The following AVIL variants were observed in gnomAD, a reference collection of about 807,000 sequenced individuals.
AVIL encodes advillin.
In AVIL, 78 loss-of-function variants were observed where a neutral mutation model predicts 109.9. The ratio of observed to expected loss-of-function variants is 0.71; its 90% CI spans 0.59 to 0.86. The LOEUF is 0.86. AVIL is among the 40% of genes least tolerant of loss of function. The probability of loss-of-function intolerance (pLI) is 0.00; values close to 1 mark genes in which losing one functional copy is unlikely to be tolerated. For synonymous variants in AVIL, 367 were observed against 379.1 expected (o/e 0.97, Z 0.37); for missense variants, 892 against 1,016.5 (o/e 0.88, Z 1.67).
At chr12:57,815,282 G>A (rs1330413872) in intron 2 of AVIL, among the ~76,000 whole-genome samples, 5 of 152,222 alleles carry the variant, frequency 3.3e-5, no homozygotes, top group Non-Finnish European at 5.9e-5. Context: ...GAAACTGGAA[G>A]CCTTCAAACA....
At chr12:57,808,733 G>T in intron 9 of AVIL, 185 bp from the exon 10 acceptor site, 1 of 665,440 alleles carries the variant, frequency 1.5e-6, no homozygotes. Flanking sequence ...ATGACTGAGT[G>T]GAACATTTTT....
Position 57,810,419 on chromosome 12 carries a change from A to C in AVIL, c.691T>G (p.Ser231Ala), listed in dbSNP as rs1301738495. The C allele has an allele frequency of 1.9e-6, 3 of 1,614,170 alleles. No homozygotes were observed. Among genetic ancestry groups the C allele is most frequent in the Non-Finnish European group, 2.5e-6 (3 of 1,180,044 alleles). The change falls in exon 7 of 20, where the codon TCC (serine) becomes GCC (alanine). Residue 231 changes from serine (S) to alanine (A), a missense_variant. Ser to Ala is a moderately conservative substitution (Grantham distance 99, BLOSUM62 1). Transcript: ENST00000549994. Reference protein sequence around the residue: ...KVLQDTLGRRSIIKPTVPDEI... With the variant: ...KVLQDTLGRRAIIKPTVPDEI... ...TCAGGGACTGTAGGCTTGATAATGG[A>C]GCGTCGGCCAAGGGTGTCCTGAAGG... is the stretch of plus-strand genomic sequence containing the variant.
In AVIL at chr12:57,807,486, G is replaced by A. The variant is rs370382463; in HGVS notation, c.1336C>T (p.Arg446Cys). The change falls in exon 13 of 20, where the codon CGC becomes TGC. Residue 446 changes from arginine to cysteine, a missense_variant. By Grantham distance (180) the Arg-to-Cys change is radical (BLOSUM62 -3). Coordinates refer to ENST00000549994, the MANE Select transcript of AVIL (RefSeq NM_006576.4). ...PHHILYIWQGRHASQDELAAS... is the reference protein window; with the variant it reads ...PHHILYIWQGCHASQDELAAS... The stretch of plus-strand genomic sequence containing the variant: ...GCCAGCTCATCCTGTGAGGCGTGGC[G>A]GCCCTGCAATGGTGAGAGGCCATGA... The A allele has an allele frequency of 2.6e-5, 42 of 1,614,108 alleles. No homozygotes were observed. The highest frequency in any genetic ancestry group is 2.0e-4 in the African/African-American group (15 of 74,932).
In AVIL at chr12:57,797,575, T is replaced by G. The variant is rs976261154; in HGVS notation, c.*307A>C. On this transcript the variant is annotated 3_prime_UTR_variant, in exon 20 of 20. Coordinates refer to ENST00000549994, the MANE Select transcript of AVIL (RefSeq NM_006576.4). ...TATTAAACATAAAGTTATTAAACAT[T>G]TTAAGCATTGTTTTTTGGTTCTCTT... The G allele has an allele frequency of 1.1e-6, 1 of 917,350 alleles. No individual in the cohort carries two copies. The allele number at this position is 917,350 out of a possible 1,614,324, so 56.8% of individuals were successfully genotyped here. A position where few individuals can be genotyped will look rare whatever the true frequency, so the allele number is the denominator to read the frequency against.
chr12:57,801,315 T>C, intron 17 of AVIL, 103 bp from the exon 18 acceptor site: 1 of 868,804 alleles, frequency 1.2e-6, no homozygotes, highest in Non-Finnish European at 1.8e-6. Context: ...AGCCAGGGAG[T>C]CAGAAGACAT....
At chr12:57,811,234 T>C (rs969504611) in intron 4 of AVIL, 107 bp from the exon 5 acceptor site, 1 of 1,051,886 alleles carries the variant, frequency 9.5e-7, no homozygotes, top group Non-Finnish European at 1.4e-6. Flanking sequence ...TGACAGTACA[T>C]CAGCAAGGTA....
chr12:57,798,383 TTCAAATGCATGA>T (rs1331100372), intron 19 of AVIL, among the ~76,000 whole-genome samples: 2 of 152,226 alleles, frequency 1.3e-5, no homozygotes, highest in African/African-American at 4.8e-5. Context: ...CCCATAAATT[TTCAAATGCATGA>T]TCGGGTGGAT....
chr12:57,810,343 A>G lies in AVIL; in HGVS notation c.761+6T>C, dbSNP rs769082152. The G allele has an allele frequency of 1.4e-5, 23 of 1,613,954 alleles. No homozygotes were observed. Among genetic ancestry groups the G allele is most frequent in the East Asian group, 2.2e-5 (1 of 44,886 alleles). On this transcript the variant is annotated splice_donor_region_variant and intron_variant, in intron 7 of 19. Transcript: ENST00000549994. ...CTTCCAGCTAAAACCAGGTTGAGCT[A>G]CTCACTGATACAACATGATAGTTGA...
At chr12:57,805,619 C>T (rs764996751) in intron 14 of AVIL, among the ~76,000 whole-genome samples, 2 of 151,114 alleles carry the variant, frequency 1.3e-5, no homozygotes, top group East Asian at 2.0e-4. Context: ...CCGCAACCTC[C>T]GTCTACTGGG....
chr12:57,803,783 A>G, intron 14 of AVIL, 114 bp from the exon 15 acceptor site: 1 of 1,380,888 alleles, frequency 7.2e-7, no homozygotes, highest in Non-Finnish European at 9.8e-7. Flanking sequence ...ACCAAACCAC[A>G]GTCCCTCAGC....
intron 2 of AVIL, chr12:57,815,493 T>G: frequency 9.8e-7 from 1 of 1,018,360 alleles, no homozygotes; most frequent in Non-Finnish European, 1.3e-6. Context: ...AGCTATGGAT[T>G]GCTGGAGCTC....
intron 16 of AVIL, chr12:57,802,730 T>C: frequency 1.7e-6 from 1 of 602,404 alleles, no homozygotes; most frequent in South Asian, 2.1e-5. Flanking sequence ...ATCTATCTAG[T>C]CACCTAAGGC....
At chr12:57,803,154 C>G in intron 16 of AVIL, 93 bp downstream of exon 16, 2 of 1,518,624 alleles carry the variant, frequency 1.3e-6, no homozygotes, top group Non-Finnish European at 1.8e-6. Flanking sequence ...TCCAGGGCTA[C>G]CCTGGGTTTA....
intron 16 of AVIL, 46 bp from the exon 17 acceptor site, chr12:57,802,394 G>A (rs759514835): frequency 6.4e-7 from 1 of 1,550,638 alleles, no homozygotes; most frequent in Non-Finnish European, 8.8e-7. Context: ...TCATACCAAG[G>A]ACTAAGTACT....
chr12:57,814,324 A>G lies in AVIL; in HGVS notation c.67-98T>C. The G allele has an allele frequency of 2.4e-6, 3 of 1,224,816 alleles. 1 individual carries two copies. The highest frequency in any genetic ancestry group is 3.5e-6 in the Non-Finnish European group (3 of 868,814). 75.9% of individuals were successfully genotyped at this position (1,224,816 alleles called of 1,614,324 possible). ...CTGTCATTCGGTGCAGGTGGTGGGG[A>G]GAAGGAGGGGAGATGTTCTCAATGA... On this transcript the variant is annotated intron_variant, in intron 2 of 19. Transcript: ENST00000549994.
intron 19 of AVIL, among the ~76,000 whole-genome samples, chr12:57,798,572 G>T (rs564168563): frequency 6.6e-6 from 1 of 151,800 alleles, no homozygotes; most frequent in South Asian, 2.1e-4. Context: ...CAGAGTCTGT[G>T]CCTAAATCAA....
Position 57,813,285 on chromosome 12 carries a change from G to C in AVIL, c.280C>G (p.Arg94Gly). 1.2e-6 allele frequency: 2 copies of C among 1,614,018 alleles called. No individual in the cohort carries two copies. Among genetic ancestry groups the C allele is most frequent in the Non-Finnish European group, 8.5e-7 (1 of 1,180,004 alleles). Residue 94 changes from arginine to glycine, a missense_variant, in exon 4 of 20, where the codon CGA becomes GGA. Transcript: ENST00000549994. ...DYLGGSPVQHREVQYHESDTF... is the reference protein window; with the variant it reads ...DYLGGSPVQHGEVQYHESDTF... ...TCTGACTCATGGTACTGGACCTCTC[G>C]GTGCTGCACAGGGCTGCCTCCCAGG...
intron 15 of AVIL, 29 bp from the exon 16 acceptor site, chr12:57,803,420 A>G (rs1485386576): frequency 2.5e-6 from 4 of 1,614,008 alleles, no homozygotes; most frequent in Middle Eastern, 1.6e-4. Context: ...AAGGGCATCA[A>G]GCTGCTTAGA....
chr12:57,809,508 C>A, intron 9 of AVIL, 89 bp downstream of exon 9: 1 of 1,460,694 alleles, frequency 6.8e-7, no homozygotes, highest in South Asian at 1.2e-5. Context: ...GTTATATGCT[C>A]AAATACCTAG....
Sources: allele counts gnomAD v4.1 joint callset (sites outside exome capture counted in the v4.1 genomes callset), GRCh38; gene constraint gnomAD v4.1.1; transcripts MANE v1.5; gene names NCBI Gene and HGNC (gene_info 2026-07-23, HGNC 2026-07-21).